NEO1: variants seen among roughly 807,000 people sequenced by gnomAD.
NEO1 encodes neogenin.
A neutral mutation model predicts 159.7 loss-of-function variants in NEO1; 63 were observed. That is an observed-to-expected ratio of 0.39 (90% CI 0.32 to 0.49). The LOEUF (loss-of-function observed/expected upper bound fraction) is 0.49, where lower values mean the gene tolerates loss of function less well. Among genes scored for constraint, NEO1 ranks in the 20% least tolerant of loss-of-function variants. The pLI is 0.85. For missense variants in NEO1, 1,615 were observed against 1,831.0 expected (o/e 0.88, Z 2.15); for synonymous variants, 633 against 662.0 (o/e 0.96, Z 0.67).
chr15:73,280,146 C>T (rs2041623442), intron 22 of NEO1, among the ~76,000 whole-genome samples: 1 of 152,000 alleles, frequency 6.6e-6, no homozygotes, highest in Non-Finnish European at 1.5e-5. Context: ...ACAGGCCAGG[C>T]GTGGTGGTAT....
intron 5 of NEO1, among the ~76,000 whole-genome samples, chr15:73,152,148 A>G (rs1429382402): frequency 1.3e-5 from 2 of 152,184 alleles, no homozygotes; most frequent in South Asian, 2.1e-4. Context: ...TTCCTGGCGC[A>G]TATCTCCCAT....
intron 9 of NEO1, among the ~76,000 whole-genome samples, chr15:73,248,067 C>A (rs909754882): frequency 6.6e-5 from 10 of 152,174 alleles, no homozygotes; most frequent in Admixed American, 5.9e-4. Flanking sequence ...AACTTCATAA[C>A]CTCACCTGTA....
At chr15:73,149,910 T>TCAC (rs1420155597) in intron 5 of NEO1, among the ~76,000 whole-genome samples, 1 of 152,178 alleles carries the variant, frequency 6.6e-6, no homozygotes, top group Non-Finnish European at 1.5e-5. Flanking sequence ...TATGTTATTG[T>TCAC]TAATTATAGT....
At chr15:73,109,816 T>C (rs959564938) in intron 1 of NEO1, among the ~76,000 whole-genome samples, 13 of 152,152 alleles carry the variant, frequency 8.5e-5, no homozygotes, top group Non-Finnish European at 1.9e-4. Flanking sequence ...CTGTATAATA[T>C]TAACAATTAA....
chr15:73,298,664 G>A, intron 27 of NEO1, 53 bp downstream of exon 27: 1 of 1,600,516 alleles, frequency 6.2e-7, no homozygotes, highest in Non-Finnish European at 8.5e-7. Flanking sequence ...GTGACCCTTT[G>A]GCTCAAGCTT....
intron 1 of NEO1, among the ~76,000 whole-genome samples, chr15:73,095,678 T>C (rs2069982972): frequency 6.6e-6 from 1 of 152,080 alleles, no homozygotes; most frequent in South Asian, 2.1e-4. Flanking sequence ...TATTTGTTTT[T>C]TTTTTTTTGA....
intron 1 of NEO1, among the ~76,000 whole-genome samples, chr15:73,066,530 T>C (rs2068232237): frequency 6.6e-6 from 1 of 152,132 alleles, no homozygotes; most frequent in Admixed American, 6.6e-5. Flanking sequence ...ATTATCGAGA[T>C]AATCTGGATG....
chr15:73,139,540 A>G (rs549708331), intron 5 of NEO1, among the ~76,000 whole-genome samples: 1 of 152,200 alleles, frequency 6.6e-6, no homozygotes, highest in Non-Finnish European at 1.5e-5. Flanking sequence ...GCATAACAAT[A>G]TTGATAAATC....
At chr15:73,285,945 C>G (rs1477035232) in intron 23 of NEO1, among the ~76,000 whole-genome samples, 1 of 152,076 alleles carries the variant, frequency 6.6e-6, no homozygotes, top group Non-Finnish European at 1.5e-5. Context: ...TTTCTAAGAC[C>G]TTTTACCTGC....
intron 5 of NEO1, among the ~76,000 whole-genome samples, chr15:73,173,028 G>C (rs183031319): frequency 6.6e-6 from 1 of 152,174 alleles, no homozygotes. Flanking sequence ...TTGATCTGTA[G>C]AGTAGAAGCT....
chr15:73,167,732 A>G (rs1025747562), intron 5 of NEO1, among the ~76,000 whole-genome samples: 2 of 152,230 alleles, frequency 1.3e-5, no homozygotes, highest in African/African-American at 2.4e-5. Context: ...CCTATATTTA[A>G]TAAAGGTTTT....
intron 7 of NEO1, among the ~76,000 whole-genome samples, chr15:73,201,159 GTTTTC>G: frequency 1.3e-5 from 2 of 150,994 alleles, no homozygotes; most frequent in Non-Finnish European, 3.0e-5. Flanking sequence ...CTATTTTTCT[GTTTTC>G]AATTTCATTT....
At chr15:73,288,796 G>A (rs144476504) in intron 24 of NEO1, among the ~76,000 whole-genome samples, 9 of 152,190 alleles carry the variant, frequency 5.9e-5, no homozygotes, top group East Asian at 1.9e-4. Context: ...CTTCAGCAGC[G>A]TGATATTCAA....
chr15:73,094,795 T>C (rs2069906881), intron 1 of NEO1, among the ~76,000 whole-genome samples: 1 of 152,252 alleles, frequency 6.6e-6, no homozygotes, highest in Admixed American at 6.5e-5. Flanking sequence ...ATCTAGAGAT[T>C]TGATCATTTC....
At chr15:73,217,511 T>C (rs544654446) in intron 7 of NEO1, among the ~76,000 whole-genome samples, 1,940 of 152,272 alleles carry the variant, frequency 0.013, 30 homozygotes, top group African/African-American at 0.044. Context: ...ATCTATAAAT[T>C]GCCTTGGGCA....
intron 27 of NEO1, among the ~76,000 whole-genome samples, chr15:73,301,083 T>C (rs1190411686): frequency 6.6e-6 from 1 of 152,234 alleles, no homozygotes. Context: ...TACCACACTT[T>C]GAGAACCACT....
chr15:73,163,517 G>A (rs1432014708), intron 5 of NEO1, among the ~76,000 whole-genome samples: 1 of 151,974 alleles, frequency 6.6e-6, no homozygotes, highest in African/African-American at 2.4e-5. Context: ...CATCTAGTTT[G>A]CTCTGCAAAT....
chr15:73,217,295 G>C (rs1236489677), intron 7 of NEO1, among the ~76,000 whole-genome samples: 5 of 150,326 alleles, frequency 3.3e-5, no homozygotes, highest in South Asian at 2.2e-4. Flanking sequence ...CTATATCTCT[G>C]TTTTGGTACC....
intron 2 of NEO1, among the ~76,000 whole-genome samples, chr15:73,117,745 C>G (rs1378975534): frequency 6.6e-6 from 1 of 151,868 alleles, no homozygotes; most frequent in African/African-American, 2.4e-5. Context: ...GACAAATACT[C>G]AAAGTTGAAT....
Sources: allele counts gnomAD v4.1 joint callset (sites outside exome capture counted in the v4.1 genomes callset), GRCh38; gene constraint gnomAD v4.1.1; transcripts MANE v1.5; gene names NCBI Gene and HGNC (gene_info 2026-07-23, HGNC 2026-07-21).